PAM: variants seen among roughly 807,000 people sequenced by gnomAD.
The protein encoded by PAM is peptidyl-glycine alpha-amidating monooxygenase.
A neutral mutation model predicts 122.1 loss-of-function variants in PAM; 72 were observed. That is an observed-to-expected ratio of 0.59 (90% CI 0.49 to 0.72). PAM has a LOEUF of 0.72. Ranked by LOEUF, PAM falls within the 30% of genes least tolerant of loss-of-function variation. The pLI is 0.00. For synonymous variants in PAM, 389 were observed against 404.4 expected (o/e 0.96, Z 0.46); for missense variants, 1,106 against 1,183.7 (o/e 0.93, Z 0.96).
At chr5:102,890,498 C>T (rs1276434035) in intron 3 of PAM, among the ~76,000 whole-genome samples, 1 of 151,804 alleles carries the variant, frequency 6.6e-6, no homozygotes. Context: ...TATTTGATCA[C>T]CTTTAAATAC....
Position 102,983,561 on chromosome 5 carries a change from T to C in PAM, c.1484-6711T>C, listed in dbSNP as rs984074070. Reference sequence around the variant, plus strand: ...TAAACTGACCAAATATCCTAATTTTTATTGTTCTATATTGTTCTAGAAAGT... The same window carrying C: ...TAAACTGACCAAATATCCTAATTTTCATTGTTCTATATTGTTCTAGAAAGT... On this transcript the variant is annotated intron_variant, in intron 15 of 25. Transcript: ENST00000438793. 5.9e-5 allele frequency among the ~76,000 whole-genome samples: 9 copies of C among 152,238 alleles called. No individual in the cohort carries two copies. In the South Asian group the frequency reaches 1.9e-3, roughly 32 times the overall value.
Position 102,924,971 on chromosome 5 carries a change from G to A in PAM, c.371G>A (p.Gly124Glu). The A allele has an allele frequency of 6.5e-7, 1 of 1,546,040 alleles. No individual in the cohort carries two copies. Among genetic ancestry groups the A allele is most frequent in the Non-Finnish European group, 8.9e-7 (1 of 1,117,938 alleles). The change falls in exon 6 of 26, where the codon GGA becomes GAA. Residue 124 changes from glycine to glutamate, a missense_variant. Transcript: ENST00000438793. ...STGSYWFCDE[G>E]TCTDKANILY... ...ATTTTCTTCAGGTTTTGTGATGAAG[G>A]AACCTGTACAGATAAAGCCAATATT...
At position 102,866,042 on chromosome 5, in the gene PAM, C is replaced by A. The variant is rs1026070784; in HGVS notation, c.-154C>A. ...ACGCCTCGCCGCGGCCAGCTCGCTGCTCTCGCTGGCGGATGGTGTGTGGCC... is the reference window on the plus strand; with the variant it reads ...ACGCCTCGCCGCGGCCAGCTCGCTGATCTCGCTGGCGGATGGTGTGTGGCC... On this transcript the variant is annotated 5_prime_UTR_variant, in exon 2 of 26. Coordinates refer to ENST00000438793, the MANE Select transcript of PAM (RefSeq NM_001177306.2). 3 of 467,668 alleles carry A rather than the reference C, an allele frequency of 6.4e-6. No homozygotes were observed. Among genetic ancestry groups the A allele is most frequent in the Middle Eastern group, 1.1e-3 (2 of 1,818 alleles). The allele number at this position is 467,668 out of a possible 1,614,324, so 29.0% of individuals were successfully genotyped here.
chr5:102,950,948 G>T, intron 12 of PAM, 128 bp downstream of exon 12: 2 of 595,684 alleles, frequency 3.4e-6, no homozygotes, highest in Non-Finnish European at 6.0e-6. Flanking sequence ...AACAAACTGT[G>T]GCATTTTATC....
At chr5:102,953,430 A>T (rs1268062366) in intron 12 of PAM, among the ~76,000 whole-genome samples, 1 of 152,166 alleles carries the variant, frequency 6.6e-6, no homozygotes, top group Non-Finnish European at 1.5e-5. Context: ...AATCTGAAGG[A>T]TGTATTAAGT....
chr5:102,939,014 A>G (rs1318095745), intron 7 of PAM, among the ~76,000 whole-genome samples: 1 of 152,158 alleles, frequency 6.6e-6, no homozygotes, highest in East Asian at 1.9e-4. Context: ...GTTTAGTACT[A>G]ATTTCTTTTA....
At chr5:102,993,219 G>A (rs1774684131) in intron 16 of PAM, among the ~76,000 whole-genome samples, 1 of 152,220 alleles carries the variant, frequency 6.6e-6, no homozygotes. Context: ...CCAGCAGGGT[G>A]TAATGAAACT....
intron 7 of PAM, among the ~76,000 whole-genome samples, chr5:102,934,531 A>G (rs149203463): frequency 2.6e-5 from 4 of 152,242 alleles, no homozygotes; most frequent in East Asian, 3.9e-4. Flanking sequence ...TGTGATACTC[A>G]TGTCATCTAC....
At position 102,885,094 on chromosome 5, in the gene PAM, T is replaced by TATATATATATATATATAA. The variant is rs60241746; in HGVS notation, c.211-16261_211-16260insTATATATATATATATAAA. On this transcript the variant is annotated intron_variant, in intron 3 of 25. Coordinates refer to ENST00000438793, the MANE Select transcript of PAM (RefSeq NM_001177306.2). Reference sequence around the variant, plus strand: ...CTTGTTTAATAACTATATATATATATAACTATAAAAGCTTTACTTGATTAT... The same window carrying TATATATATATATATATAA: ...CTTGTTTAATAACTATATATATATATATATATATATATATATAAAACTATAAAAGCTTTACTTGATTAT... Among the ~76,000 whole-genome samples the TATATATATATATATATAA allele has an allele frequency of 8.3e-4, 123 of 147,846 alleles. 1 individual carries two copies. Among genetic ancestry groups the TATATATATATATATATAA allele is most frequent in the East Asian group, 4.7e-3 (23 of 4,852 alleles).
chr5:102,961,918 T>C (rs1383613931), intron 14 of PAM, among the ~76,000 whole-genome samples: 1 of 151,924 alleles, frequency 6.6e-6, no homozygotes, highest in East Asian at 1.9e-4. Flanking sequence ...GAGTTTGTTA[T>C]CCTAAAAAGT....
chr5:103,022,604 TA>T (rs1188818152), intron 23 of PAM, among the ~76,000 whole-genome samples: 1 of 152,176 alleles, frequency 6.6e-6, no homozygotes, highest in African/African-American at 2.4e-5. Flanking sequence ...CTTGCACTCT[TA>T]TAAGATTTTA....
At chr5:102,900,478 C>T (rs936467508) in intron 3 of PAM, among the ~76,000 whole-genome samples, 2 of 151,420 alleles carry the variant, frequency 1.3e-5, no homozygotes, top group Non-Finnish European at 3.0e-5. Context: ...TTTTTTAACA[C>T]ACAAGTAGAA....
In PAM at chr5:102,818,024, C is replaced by G. The variant is rs1012709431; in HGVS notation, c.-373-47799C>G. Among the ~76,000 whole-genome samples the G allele has an allele frequency of 9.0e-5, 5 of 55,464 alleles. No individual in the cohort carries two copies. In the South Asian group the frequency reaches 3.6e-3, roughly 40 times the overall value. The allele number at this position is 55,464 out of a possible 152,430, so 36.4% of individuals were successfully genotyped here. On this transcript the variant is annotated intron_variant, in intron 1 of 25. Transcript: ENST00000438793. ...AAACCTACTTAAACTTTTTTTTTCT[C>G]AAAAAAAAAAAAAAAAAAAAAAAGA...
At chr5:102,933,181 A>G (rs903057702) in intron 7 of PAM, among the ~76,000 whole-genome samples, 2 of 152,242 alleles carry the variant, frequency 1.3e-5, no homozygotes, top group African/African-American at 4.8e-5. Context: ...GATTGATATC[A>G]TATAGGCACC....
chr5:102,959,148 A>G (rs1761737089), intron 12 of PAM, among the ~76,000 whole-genome samples: 3 of 152,132 alleles, frequency 2.0e-5, no homozygotes, highest in Admixed American at 1.3e-4. Flanking sequence ...TTTAAAATCT[A>G]TTTTTAACAT....
intron 1 of PAM, among the ~76,000 whole-genome samples, chr5:102,862,169 CA>C (rs57758540): frequency 0.21 from 14,575 of 70,350 alleles, 1,005 homozygotes; most frequent in African/African-American, 0.31. Flanking sequence ...GACCCTGTCT[CA>C]AAAAAAAAAA....
At chr5:102,950,896 GT>G (rs1193748160) in intron 12 of PAM, 76 bp downstream of exon 12, 1 of 851,220 alleles carries the variant, frequency 1.2e-6, no homozygotes, top group Non-Finnish European at 1.9e-6. Flanking sequence ...AGCTATCTTT[GT>G]GAATAAATTG....
chr5:102,953,027 T>TATG (rs1379852093), intron 12 of PAM, among the ~76,000 whole-genome samples: 1 of 152,160 alleles, frequency 6.6e-6, no homozygotes, highest in Non-Finnish European at 1.5e-5. Context: ...GCTTCAAGTT[T>TATG]TAAACCTTTC....
At chr5:102,880,068 C>T (rs1471275530) in intron 3 of PAM, among the ~76,000 whole-genome samples, 1 of 152,096 alleles carries the variant, frequency 6.6e-6, no homozygotes, top group African/African-American at 2.4e-5. Context: ...ATCACTTGAG[C>T]CCATGAGTTT....
Sources: allele counts gnomAD v4.1 joint callset (sites outside exome capture counted in the v4.1 genomes callset), GRCh38; gene constraint gnomAD v4.1.1; transcripts MANE v1.5; gene names NCBI Gene and HGNC (gene_info 2026-07-23, HGNC 2026-07-21).